The following OTOP1 variants were observed in gnomAD, a reference collection of about 807,000 sequenced individuals.
The protein encoded by OTOP1 is proton channel OTOP1.
OTOP1 carries 59 observed loss-of-function variants against 52.9 expected under a neutral mutation model. The ratio of observed to expected loss-of-function variants is 1.12; its 90% CI spans 0.91 to 1.39. The LOEUF is 1.39. Among genes scored for constraint, OTOP1 ranks in the 40% most tolerant of loss-of-function variants. The pLI is 0.00. For missense variants in OTOP1, 761 were observed against 800.9 expected, an observed-to-expected ratio of 0.95 and a Z score of 0.60; for synonymous variants, 317 against 337.7, an observed-to-expected ratio of 0.94 and a Z score of 0.67.
Position 4,197,282 on chromosome 4 carries a change from C to T in OTOP1, c.1552G>A (p.Glu518Lys), listed in dbSNP as rs372075222. The T allele has an allele frequency of 1.9e-5, 30 of 1,614,050 alleles. No individual in the cohort carries two copies. The highest frequency in any genetic ancestry group is 2.5e-5 in the Non-Finnish European group (30 of 1,180,040). The change falls in exon 5 of 6, where the codon GAG becomes AAG. Residue 518 changes from glutamate to lysine, a missense_variant. This residue lies in a region of OTOP1 where 632 missense variants were observed against 619.5 expected (regional missense o/e 1.02). Transcript: ENST00000296358. ...SHDKEEEKQE[E>K]SSWGGSPSPV... is the part of the protein sequence containing the mutation. ...CTTGGGCTCCCTCCCCAGCTGCTCT[C>T]CTCCTGCTTCTCCTCCTCCTTGTCA...
At chr4:4,209,140 C>T (rs112160846) in intron 2 of OTOP1, among the ~76,000 whole-genome samples, 2 of 152,096 alleles carry the variant, frequency 1.3e-5, no homozygotes, top group Non-Finnish European at 2.9e-5. Context: ...TTAGAAAGTC[C>T]TTGGAAACAC....
intron 1 of OTOP1, among the ~76,000 whole-genome samples, chr4:4,219,827 ATG>A (rs1717239078): frequency 1.7e-5 from 2 of 118,426 alleles, no homozygotes; most frequent in South Asian, 5.8e-4. Context: ...ATGTATACAT[ATG>A]TGTATACATA....
At chr4:4,220,155 TGCAATGGCGCAA>T (rs1294072918) in intron 1 of OTOP1, among the ~76,000 whole-genome samples, 1 of 140,552 alleles carries the variant, frequency 7.1e-6, no homozygotes, top group African/African-American at 2.7e-5. Context: ...CAGGCTGGAG[TGCAATGGCGCAA>T]GCTCTGCCCA....
At chr4:4,225,138 T>C (rs1244252299) in intron 1 of OTOP1, among the ~76,000 whole-genome samples, 1 of 152,232 alleles carries the variant, frequency 6.6e-6, no homozygotes, top group Non-Finnish European at 1.5e-5. Context: ...AGTGGCAATG[T>C]GTGATGTGCC....
At chr4:4,191,604 G>A (rs1183911710) in intron 5 of OTOP1, among the ~76,000 whole-genome samples, 7 of 152,110 alleles carry the variant, frequency 4.6e-5, no homozygotes, top group Non-Finnish European at 2.9e-5. Flanking sequence ...CTGAACATGC[G>A]TGGCCAGCCC....
chr4:4,206,747 AC>A (rs1226381688), intron 2 of OTOP1, among the ~76,000 whole-genome samples: 1 of 152,202 alleles, frequency 6.6e-6, no homozygotes, highest in Non-Finnish European at 1.5e-5. Context: ...AAGTCAGGGA[AC>A]CTTGCTGAAT....
rs1371435793 is a variant in OTOP1, at chr4:4,197,789, T to C, written c.1045A>G (p.Met349Val). ...SKTKSESALI[M>V]FYLYAITLLM... ...AGGGTGATGGCATACAGGTAGAACATGATGAGTGCCGACTCGCTCTTGGTC... is the reference window on the plus strand; with the variant it reads ...AGGGTGATGGCATACAGGTAGAACACGATGAGTGCCGACTCGCTCTTGGTC... Residue 349 changes from methionine to valine, a missense_variant, in exon 5 of 6, where the codon ATG becomes GTG. Physicochemically the swap from Met to Val is conservative, Grantham distance 21 (BLOSUM62 1). This residue lies in a region of OTOP1 where 632 missense variants were observed against 619.5 expected (regional missense o/e 1.02). Transcript: ENST00000296358. 9 of 1,613,716 alleles carry C rather than the reference T, an allele frequency of 5.6e-6. No individual in the cohort carries two copies. The East Asian group carries it at 1.1e-4, about 20-fold the overall frequency.
intron 2 of OTOP1, among the ~76,000 whole-genome samples, chr4:4,210,838 A>AAGC (rs1344888708): frequency 6.6e-6 from 1 of 152,142 alleles, no homozygotes; most frequent in African/African-American, 2.4e-5. Context: ...TCAAAAAAAT[A>AAGC]AAAAACAAAG....
rs1041743761 is a variant in OTOP1, at chr4:4,188,928, C to T, written c.1714G>A (p.Gly572Arg). Residue 572 changes from glycine to arginine, a missense_variant, in exon 6 of 6, where the codon GGA becomes AGA. Around this residue, in one of 3 missense-constraint regions of OTOP1, gnomAD observed 632 missense variants for 619.5 expected, o/e 1.02. Transcript: ENST00000296358. ...AAGCCAAAGACAATCTCCTCCAATC[C>T]ATTGTCATACTCAGGTCGACAGCCA... ...AFGCRPEYDN[G>R]LEEIVFGFEP... The T allele has an allele frequency of 4.3e-6, 7 of 1,613,682 alleles. No homozygotes were observed. The highest frequency in any genetic ancestry group is 1.7e-5 in the Admixed American group (1 of 59,978).
intron 3 of OTOP1, among the ~76,000 whole-genome samples, chr4:4,205,816 G>T (rs558154039): frequency 6.6e-6 from 1 of 152,094 alleles, no homozygotes; most frequent in African/African-American, 2.4e-5. Context: ...GCAACTGAGG[G>T]TCATAACAGA....
rs374227262 is a variant in OTOP1, at chr4:4,203,982, G to A, written c.600-1404C>T. On this transcript the variant is annotated intron_variant, in intron 3 of 5. Transcript: ENST00000296358. The stretch of plus-strand genomic sequence containing the variant: ...TACCTATAGGACATCAAAGAAGCTG[G>A]GTCTTGGAAGCAGAGCTAGAGGGAT... Among the ~76,000 whole-genome samples the A allele has an allele frequency of 3.3e-5, 5 of 152,288 alleles. No individual in the cohort carries two copies. In the East Asian group the frequency reaches 7.7e-4, roughly 24 times the overall value.
chr4:4,197,273 A>C lies in OTOP1; in HGVS notation c.1561T>G (p.Trp521Gly), dbSNP rs199964022. 19 of 1,614,136 alleles carry C rather than the reference A, an allele frequency of 1.2e-5. No individual in the cohort carries two copies. The highest frequency in any genetic ancestry group is 1.4e-5 in the Non-Finnish European group (17 of 1,180,016). ...KEEEKQEESS[W>G]GGSPSPVRLP... is the part of the protein sequence containing the mutation. Reference sequence around the variant, plus strand: ...CGGACTGGGCTTGGGCTCCCTCCCCAGCTGCTCTCCTCCTGCTTCTCCTCC... The same window carrying C: ...CGGACTGGGCTTGGGCTCCCTCCCCCGCTGCTCTCCTCCTGCTTCTCCTCC... The change falls in exon 5 of 6, where the codon TGG (tryptophan) becomes GGG (glycine). Residue 521 changes from tryptophan to glycine, a missense_variant. Trp to Gly is a radical substitution (Grantham distance 184, BLOSUM62 -2). Coordinates refer to ENST00000296358, the MANE Select transcript of OTOP1 (RefSeq NM_177998.3).
In OTOP1 at chr4:4,197,899, A is replaced by G. The variant is rs1577176151; in HGVS notation, c.935T>C (p.Met312Thr). The part of the protein sequence containing the change: ...QKMQFKSDGV[M>T]VGAVLGLTVL... ...GGTCAGGCCCAGGACTGCGCCCACC[A>G]TGACCCCATCAGACTTGAACTGCAT... Residue 312 changes from methionine to threonine, a missense_variant, in exon 5 of 6, where the codon ATG becomes ACG. Met to Thr is a moderately conservative substitution (Grantham distance 81, BLOSUM62 -1). This residue lies in a region of OTOP1 where 632 missense variants were observed against 619.5 expected (regional missense o/e 1.02). Transcript: ENST00000296358. 1.9e-6 allele frequency: 3 copies of G among 1,614,022 alleles called. No homozygotes were observed. Among genetic ancestry groups the G allele is most frequent in the Middle Eastern group, 1.6e-4 (1 of 6,062 alleles).
chr4:4,197,580 G>A lies in OTOP1; in HGVS notation c.1254C>T (p.His418=). The A allele has an allele frequency of 6.2e-7, 1 of 1,614,084 alleles. No homozygotes were observed. Among genetic ancestry groups the A allele is most frequent in the Non-Finnish European group, 8.5e-7 (1 of 1,180,018 alleles). The change falls in exon 5 of 6, where the codon CAC becomes CAT. Residue 418 remains histidine, a synonymous_variant. Transcript: ENST00000296358. ...SILAILCAEG[H]PRYTWYNLPY... Reference sequence around the variant, plus strand: ...GCAGGTTGTACCAGGTGTAGCGGGGGTGGCCCTCAGCACAGAGGATGGCCA... The same window carrying A: ...GCAGGTTGTACCAGGTGTAGCGGGGATGGCCCTCAGCACAGAGGATGGCCA...
At chr4:4,207,441 C>T (rs1716930328) in intron 2 of OTOP1, among the ~76,000 whole-genome samples, 1 of 152,124 alleles carries the variant, frequency 6.6e-6, no homozygotes, top group Non-Finnish European at 1.5e-5. Context: ...TACATAAAAA[C>T]AATAGCAAAT....
chr4:4,190,737 G>A (rs1217160854), intron 5 of OTOP1, among the ~76,000 whole-genome samples: 1 of 152,106 alleles, frequency 6.6e-6, no homozygotes, highest in Non-Finnish European at 1.5e-5. Flanking sequence ...CGGGGACCCT[G>A]GAACCAAGAC....
At chr4:4,222,284 C>T (rs563723352) in intron 1 of OTOP1, among the ~76,000 whole-genome samples, 1 of 152,090 alleles carries the variant, frequency 6.6e-6, no homozygotes, top group African/African-American at 2.4e-5. Context: ...CTGAAACTAT[C>T]GGGAGAGGCT....
At chr4:4,209,120 T>C (rs1577180810) in intron 2 of OTOP1, among the ~76,000 whole-genome samples, 1 of 152,228 alleles carries the variant, frequency 6.6e-6, no homozygotes, top group Non-Finnish European at 1.5e-5. Context: ...AGGAGATGCA[T>C]GAAGGGTTTT....
At position 4,200,905 on chromosome 4, in the gene OTOP1, C is replaced by T. The variant is rs866968893; in HGVS notation, c.730+1543G>A. Among the ~76,000 whole-genome samples the T allele has an allele frequency of 1.1e-4, 16 of 152,182 alleles. No individual in the cohort carries two copies. The South Asian group carries it at 2.5e-3, about 24-fold the overall frequency. ...CTTCCCTAGCACTTACAATTCAATA[C>T]GGTGTTATGCAGAAGACCAGGGAAG... On this transcript the variant is annotated intron_variant, in intron 4 of 5. Coordinates refer to ENST00000296358, the MANE Select transcript of OTOP1 (RefSeq NM_177998.3).
Sources: gnomAD v4.1 joint callset for allele counts (sites outside exome capture counted in the v4.1 genomes callset) on GRCh38, gnomAD v4.1.1 for gene constraint, gnomAD v4.1.1 regional missense constraint, MANE v1.5 for transcripts, NCBI Gene and HGNC (gene_info 2026-07-23, HGNC 2026-07-21) for gene names.